SPTBN1: variants seen among roughly 807,000 people sequenced by gnomAD.
The protein encoded by SPTBN1 is spectrin beta, non-erythrocytic 1.
In SPTBN1, 32 loss-of-function variants were observed where a neutral mutation model predicts 266.4. That is an observed-to-expected ratio of 0.12 (90% CI 0.09 to 0.16). The LOEUF (loss-of-function observed/expected upper bound fraction) is 0.16, where lower values mean the gene tolerates loss of function less well. Ranked by LOEUF, SPTBN1 falls within the 10% of genes least tolerant of loss-of-function variation. SPTBN1 has a pLI of 1.00. For missense variants in SPTBN1, 2,296 were observed against 3,067.1 expected (o/e 0.75, Z 5.94); for synonymous variants, 1,336 against 1,162.2 (o/e 1.15, Z -3.04).
chr2:54,496,191 C>G (rs1668959272), intron 1 of SPTBN1, among the ~76,000 whole-genome samples: 1 of 151,996 alleles, frequency 6.6e-6, no homozygotes, highest in South Asian at 2.1e-4. Flanking sequence ...AATCCTAGAA[C>G]TTTGGGAGGC....
At chr2:54,630,131 A>C (rs756118128) in intron 15 of SPTBN1, 102 bp downstream of exon 15, 22 of 1,448,194 alleles carry the variant, frequency 1.5e-5, no homozygotes, top group Non-Finnish European at 2.0e-5. Flanking sequence ...ACATGGGGTC[A>C]TCGACATTGC....
intron 28 of SPTBN1, among the ~76,000 whole-genome samples, chr2:54,655,649 C>A (rs1484257729): frequency 6.6e-6 from 1 of 152,242 alleles, no homozygotes; most frequent in Non-Finnish European, 1.5e-5. Context: ...CTGTCCCTCT[C>A]CTGAACGTGT....
At chr2:54,553,784 T>C (rs114481123) in intron 2 of SPTBN1, among the ~76,000 whole-genome samples, 1 of 152,166 alleles carries the variant, frequency 6.6e-6, no homozygotes, top group African/African-American at 2.4e-5. Context: ...ACACACTGAG[T>C]CTTGATAGTG....
chr2:54,495,561 A>G (rs1342931747), intron 1 of SPTBN1, among the ~76,000 whole-genome samples: 1 of 152,176 alleles, frequency 6.6e-6, no homozygotes, highest in Non-Finnish European at 1.5e-5. Flanking sequence ...AAATAAGAAA[A>G]TTTAAATTGC....
intron 5 of SPTBN1, among the ~76,000 whole-genome samples, chr2:54,617,281 G>A (rs780576794): frequency 6.6e-6 from 1 of 152,174 alleles, no homozygotes; most frequent in South Asian, 2.1e-4. Context: ...AGAGTAGAAA[G>A]CCAATGGAAG....
At chr2:54,656,720 T>C (rs1264815393) in intron 29 of SPTBN1, among the ~76,000 whole-genome samples, 2 of 152,196 alleles carry the variant, frequency 1.3e-5, no homozygotes, top group Non-Finnish European at 2.9e-5. Flanking sequence ...AAGGGCCTTT[T>C]CTGAGAGGTT....
At chr2:54,606,058 A>G (rs1420090349) in intron 3 of SPTBN1, among the ~76,000 whole-genome samples, 1 of 152,152 alleles carries the variant, frequency 6.6e-6, no homozygotes, top group Non-Finnish European at 1.5e-5. Flanking sequence ...TTGTAGAGAG[A>G]GAATAGAGTT....
intron 1 of SPTBN1, among the ~76,000 whole-genome samples, chr2:54,521,699 A>G (rs1670451688): frequency 6.6e-6 from 1 of 151,754 alleles, no homozygotes; most frequent in Admixed American, 6.6e-5. Flanking sequence ...GAGATAGTGA[A>G]GAAGGGTTGG....
At chr2:54,579,787 T>C (rs1431240959) in intron 2 of SPTBN1, among the ~76,000 whole-genome samples, 2 of 152,312 alleles carry the variant, frequency 1.3e-5, no homozygotes, top group African/African-American at 4.8e-5. Flanking sequence ...AATGACTCTA[T>C]TGTTTGTCAG....
chr2:54,617,644 C>T lies in SPTBN1; in HGVS notation c.603C>T (p.Ser201=), dbSNP rs886231050. The change falls in exon 6 of 36, where the codon AGC becomes AGT. Residue 201 remains serine (S), a synonymous_variant. Coordinates refer to ENST00000356805, the MANE Select transcript of SPTBN1 (RefSeq NM_003128.3). ...PNVNIHNFTT[S]WRDGMAFNAL... ...TCAACATTCACAATTTCACCACTAGCTGGAGGGACGGCATGGCCTTCAATG... is the reference window on the plus strand; with the variant it reads ...TCAACATTCACAATTTCACCACTAGTTGGAGGGACGGCATGGCCTTCAATG... The T allele has an allele frequency of 2.2e-5, 35 of 1,614,036 alleles. No homozygotes were observed. The highest frequency in any genetic ancestry group is 4.0e-5 in the African/African-American group (3 of 74,914).
chr2:54,461,511 T>C (rs1206873078), intron 1 of SPTBN1, among the ~76,000 whole-genome samples: 1 of 152,226 alleles, frequency 6.6e-6, no homozygotes, highest in Non-Finnish European at 1.5e-5. Context: ...TCATCAGCCT[T>C]AGTAGAGAAT....
At position 54,608,703 on chromosome 2, in the gene SPTBN1, A is replaced by C. The variant is rs542919926; in HGVS notation, c.301-3458A>C. ...GTGCGTGTGTGTGCATGCGCGCACG[A>C]GTGCGCGCATGCACACACACAGTGG... On this transcript the variant is annotated intron_variant, in intron 3 of 35. Transcript: ENST00000356805. Among the ~76,000 whole-genome samples the C allele has an allele frequency of 1.0e-3, 154 of 151,258 alleles. No homozygotes were observed. The Middle Eastern group carries it at 0.017, about 17-fold the overall frequency.
At chr2:54,635,266 G>T (rs1193002036) in intron 17 of SPTBN1, among the ~76,000 whole-genome samples, 2 of 152,220 alleles carry the variant, frequency 1.3e-5, no homozygotes, top group East Asian at 3.8e-4. Context: ...AGAATTTCCT[G>T]AGTTTCACTT....
At position 54,631,425 on chromosome 2, in the gene SPTBN1, G is replaced by C. The variant is rs148270144; in HGVS notation, c.3378G>C (p.Glu1126Asp). The change falls in exon 16 of 36, where the codon GAG (glutamate) becomes GAC (aspartate). Residue 1126 changes from glutamate to aspartate, a missense_variant. Transcript: ENST00000356805. ...EDYQKMRDMG[E>D]MVTQGQTDAQ... The stretch of plus-strand genomic sequence containing the variant: ...ACCAGAAGATGAGGGACATGGGCGA[G>C]ATGGTCACCCAGGGGCAGACCGATG... 5.3e-5 allele frequency: 86 copies of C among 1,614,164 alleles called. No individual in the cohort carries two copies. The African/African-American group carries it at 1.1e-3, about 20-fold the overall frequency.
In SPTBN1 at chr2:54,669,236, T is replaced by A. The variant is rs1003125917; in HGVS notation, c.*667T>A. On this transcript the variant is annotated 3_prime_UTR_variant, in exon 36 of 36. Coordinates refer to ENST00000356805, the MANE Select transcript of SPTBN1 (RefSeq NM_003128.3). ...GATACTGTTTTAAATAATCTGTAAT[T>A]TCAATTTTTTTTTTTTGCTGAAATA... is the stretch of plus-strand genomic sequence containing the variant. 3.2e-4 allele frequency: 9 copies of A among 27,890 alleles called. No homozygotes were observed. Among genetic ancestry groups the A allele is most frequent in the African/African-American group, 1.6e-3 (8 of 5,102 alleles). The allele number at this position is 27,890 out of a possible 1,614,324, so 1.7% of individuals were successfully genotyped here. A position where few individuals can be genotyped will look rare whatever the true frequency, so the allele number is the denominator to read the frequency against.
intron 1 of SPTBN1, among the ~76,000 whole-genome samples, chr2:54,489,166 A>C (rs886226195): frequency 6.0e-5 from 9 of 150,624 alleles, no homozygotes; most frequent in South Asian, 2.1e-4. Context: ...AAAAAAAAAA[A>C]AAAAAAAAAC....
intron 10 of SPTBN1, 127 bp downstream of exon 10, chr2:54,623,723 G>A: frequency 1.4e-6 from 1 of 726,672 alleles, no homozygotes; most frequent in Non-Finnish European, 2.3e-6. Flanking sequence ...ATTGACAATT[G>A]GCAGCTGGTG....
At chr2:54,582,579 A>AG (rs1458942037) in intron 2 of SPTBN1, among the ~76,000 whole-genome samples, 1 of 151,956 alleles carries the variant, frequency 6.6e-6, no homozygotes, top group Non-Finnish European at 1.5e-5. Context: ...AAAAAAAAAA[A>AG]AGAAATATGG....
Position 54,628,221 on chromosome 2 carries a change from C to T in SPTBN1, c.1769C>T (p.Ser590Phe). ...GAGCGGGTGAGAGGTGTCAATGCCT[C>T]CGCCCAGAAGTTCGCAACAGACGGG... ...QAERVRGVNA[S>F]AQKFATDGEG... is the part of the protein sequence containing the mutation. The change falls in exon 13 of 36, where the codon TCC becomes TTC. Residue 590 changes from serine (S) to phenylalanine (F), a missense_variant. Physicochemically the swap from Ser to Phe is radical, Grantham distance 155. Around this residue, in one of 12 missense-constraint regions of SPTBN1, gnomAD observed 434 missense variants for 573.9 expected, o/e 0.76. Coordinates refer to ENST00000356805, the MANE Select transcript of SPTBN1 (RefSeq NM_003128.3). This position sits in a 1 kb window ranked among gnomAD's most constrained non-coding sequence, Gnocchi z 4.3. The T allele has an allele frequency of 2.5e-6, 4 of 1,613,756 alleles. No individual in the cohort carries two copies. The highest frequency in any genetic ancestry group is 3.4e-6 in the Non-Finnish European group (4 of 1,179,816).
Sources: allele counts gnomAD v4.1 joint callset (sites outside exome capture counted in the v4.1 genomes callset), GRCh38; gene constraint gnomAD v4.1.1; regional missense constraint gnomAD v4.1.1; non-coding constraint Gnocchi (gnomAD v3.1); transcripts MANE v1.5; gene names NCBI Gene and HGNC (gene_info 2026-07-23, HGNC 2026-07-21).